The following HMBOX1 variants were observed in gnomAD, a reference collection of about 807,000 sequenced individuals.
HMBOX1 encodes the protein homeobox-containing protein 1.
In HMBOX1, 14 loss-of-function variants were observed where a neutral mutation model predicts 54.5. That is an observed-to-expected ratio of 0.26 (90% CI 0.17 to 0.40). The LOEUF (loss-of-function observed/expected upper bound fraction) is 0.40. Among genes scored for constraint, HMBOX1 ranks in the 10% least tolerant of loss-of-function variants. The pLI is 1.00. For missense variants in HMBOX1, 332 were observed against 514.4 expected (o/e 0.65, Z 3.43); for synonymous variants, 160 against 181.0 (o/e 0.88, Z 0.93).
intron 1 of HMBOX1, among the ~76,000 whole-genome samples, chr8:28,917,100 A>G (rs1313713690): frequency 6.6e-6 from 1 of 151,898 alleles, no homozygotes; most frequent in Non-Finnish European, 1.5e-5. Flanking sequence ...TACCTTGTTA[A>G]TATATACCAA....
intron 1 of HMBOX1, among the ~76,000 whole-genome samples, chr8:28,938,819 A>AC (rs1335055786): frequency 3.3e-5 from 5 of 151,650 alleles, no homozygotes; most frequent in Admixed American, 6.6e-5. Context: ...AATTCAATTC[A>AC]CCCCAAAAAG....
At chr8:28,979,232 TTAACTA>T (rs1828949059) in intron 3 of HMBOX1, among the ~76,000 whole-genome samples, 1 of 152,222 alleles carries the variant, frequency 6.6e-6, no homozygotes, top group South Asian at 2.1e-4. Flanking sequence ...TTTTAAGAGT[TTAACTA>T]TAATTTTTGT....
chr8:28,999,707 T>G (rs2132702667), intron 4 of HMBOX1, among the ~76,000 whole-genome samples: 1 of 152,274 alleles, frequency 6.6e-6, no homozygotes, highest in South Asian at 2.1e-4. Flanking sequence ...TTTTTATACT[T>G]TTCAATTCCA....
chr8:29,032,404 C>T (rs1314056079), intron 6 of HMBOX1, among the ~76,000 whole-genome samples: 1 of 151,288 alleles, frequency 6.6e-6, no homozygotes, highest in Non-Finnish European at 1.5e-5. Context: ...CTCCTTTCTA[C>T]ATGATCAAGG....
rs1196976782 is a variant in HMBOX1 at position 29,051,147 on chromosome 8, G to A, written c.1255G>A (p.Asp419Asn). The A allele has an allele frequency of 5.0e-6, 8 of 1,613,710 alleles. No individual in the cohort carries two copies. The highest frequency in any genetic ancestry group is 8.5e-7 in the Non-Finnish European group (1 of 1,179,954). ...CGAAATCAAGACAGAGGCCCTGGAT[G>A]ATGACTGATCAGGGAGGTTAAACAT... ...ANEIKTEALD[D>N]D The change falls in exon 10 of 10, where the codon GAT becomes AAT. Residue 419 changes from aspartate (D) to asparagine (N), a missense_variant. Around this residue, in one of 4 missense-constraint regions of HMBOX1, gnomAD observed 69 missense variants for 104.6 expected, o/e 0.66. Coordinates refer to ENST00000287701, the MANE Select transcript of HMBOX1 (RefSeq NM_001135726.3).
At chr8:28,941,708 A>G (rs1451920836) in intron 1 of HMBOX1, among the ~76,000 whole-genome samples, 3 of 152,168 alleles carry the variant, frequency 2.0e-5, no homozygotes, top group Non-Finnish European at 4.4e-5. Flanking sequence ...AGTGAGCAGT[A>G]GCCTAAGTTT....
At chr8:28,951,102 C>T (rs1586033881) in intron 1 of HMBOX1, among the ~76,000 whole-genome samples, 2 of 152,258 alleles carry the variant, frequency 1.3e-5, no homozygotes, top group South Asian at 2.1e-4. Flanking sequence ...GTTAGTTCAG[C>T]AAATATTTAG....
intron 1 of HMBOX1, among the ~76,000 whole-genome samples, chr8:28,930,920 A>G (rs1819375716): frequency 6.6e-6 from 1 of 152,174 alleles, no homozygotes; most frequent in African/African-American, 2.4e-5. Flanking sequence ...ATGGTAGGGA[A>G]CATGTCACCT....
chr8:28,998,241 G>C (rs1243257404), intron 4 of HMBOX1, among the ~76,000 whole-genome samples: 1 of 152,090 alleles, frequency 6.6e-6, no homozygotes, highest in Non-Finnish European at 1.5e-5. Context: ...GCCTATTATT[G>C]AAAGTGGTAT....
At chr8:28,993,926 T>C (rs1831375137) in intron 4 of HMBOX1, among the ~76,000 whole-genome samples, 1 of 152,110 alleles carries the variant, frequency 6.6e-6, no homozygotes, top group African/African-American at 2.4e-5. Flanking sequence ...CCCAGCACTT[T>C]GGGAGACTGA....
intron 1 of HMBOX1, among the ~76,000 whole-genome samples, chr8:28,941,294 A>G (rs923995731): frequency 5.3e-5 from 8 of 152,216 alleles, no homozygotes; most frequent in African/African-American, 1.4e-4. Context: ...GAATTGAAAT[A>G]AATACTTTAT....
chr8:29,006,132 A>G (rs757461675), intron 4 of HMBOX1, among the ~76,000 whole-genome samples: 1 of 151,692 alleles, frequency 6.6e-6, no homozygotes, highest in Non-Finnish European at 1.5e-5. Flanking sequence ...AGCTGGGACT[A>G]CAGGCACACA....
chr8:28,911,794 G>C (rs1471339720), intron 1 of HMBOX1, among the ~76,000 whole-genome samples: 23 of 152,002 alleles, frequency 1.5e-4, no homozygotes, highest in Non-Finnish European at 3.2e-4. Flanking sequence ...ATAGATTTTG[G>C]TATCTGCAGG....
Position 28,970,011 on chromosome 8 carries a change from A to G in HMBOX1, c.24-32A>G. On this transcript the variant is annotated intron_variant, in intron 2 of 9. Transcript: ENST00000287701. The surrounding 1 kb of genome is among the most constrained non-coding windows in gnomAD (Gnocchi z 4.3). ...ATGTGCTTTGGTAGATACTGTCAAT[A>G]AAGAGACTTCTTTTTATCTCTTTTT... 7.3e-7 allele frequency: 1 copy of G among 1,371,546 alleles called. No homozygotes were observed. The highest frequency in any genetic ancestry group is 1.2e-5 in the South Asian group (1 of 80,262). 85.0% of individuals were successfully genotyped at this position (1,371,546 alleles called of 1,614,324 possible). A position where few individuals can be genotyped will look rare whatever the true frequency, so the allele number is the denominator to read the frequency against.
intron 1 of HMBOX1, among the ~76,000 whole-genome samples, chr8:28,902,313 A>G (rs1813382299): frequency 6.6e-6 from 1 of 152,150 alleles, no homozygotes; most frequent in Non-Finnish European, 1.5e-5. Flanking sequence ...AGGGTACTGG[A>G]TCAGAGAAAT....
intron 4 of HMBOX1, among the ~76,000 whole-genome samples, chr8:29,000,650 G>A (rs765591140): frequency 6.6e-5 from 10 of 152,356 alleles, no homozygotes; most frequent in African/African-American, 2.4e-4. Flanking sequence ...GTCAAATAAA[G>A]CAAGCCTTGC....
chr8:28,896,391 T>TCTATGGTGTTCGCTCAACAA (rs1201329888), intron 1 of HMBOX1, among the ~76,000 whole-genome samples: 4 of 124,988 alleles, frequency 3.2e-5, no homozygotes. Flanking sequence ...GGTGTGTAGA[T>TCTATGGTGTTCGCTCAACAA]TGCATAATCA....
At chr8:28,966,723 G>A (rs572383789) in intron 2 of HMBOX1, among the ~76,000 whole-genome samples, 2 of 152,272 alleles carry the variant, frequency 1.3e-5, no homozygotes, top group East Asian at 3.9e-4. Flanking sequence ...GTAAAATATT[G>A]TATCTTCAGT....
chr8:29,041,939 C>G (rs567576734), intron 6 of HMBOX1, among the ~76,000 whole-genome samples: 1 of 152,264 alleles, frequency 6.6e-6, no homozygotes, highest in South Asian at 2.1e-4. Flanking sequence ...TCATCACAGG[C>G]TTTGCAGTCA....
Sources: allele counts gnomAD v4.1 joint callset (sites outside exome capture counted in the v4.1 genomes callset), GRCh38; gene constraint gnomAD v4.1.1; regional missense constraint gnomAD v4.1.1; non-coding constraint Gnocchi (gnomAD v3.1); transcripts MANE v1.5; gene names NCBI Gene and HGNC (gene_info 2026-07-23, HGNC 2026-07-21).